Variants in POLE observed in about 807,000 individuals in gnomAD.
POLE encodes the protein DNA polymerase epsilon catalytic subunit A.
In POLE, 188 loss-of-function variants were observed where a neutral mutation model predicts 279.2. The ratio of observed to expected loss-of-function variants is 0.67; its 90% confidence interval spans 0.60 to 0.76. The LOEUF is 0.76. POLE is among the 30% of genes least tolerant of loss of function. POLE has a pLI of 0.00. For missense variants in POLE, 2,703 were observed against 3,016.7 expected (o/e 0.90, Z 2.44); for synonymous variants, 1,214 against 1,172.5 (o/e 1.04, Z -0.72).
chr12:132,682,582 T>C (rs575415199), intron 1 of POLE, among the ~76,000 whole-genome samples: 5 of 152,142 alleles, frequency 3.3e-5, no homozygotes, highest in Non-Finnish European at 7.4e-5. Flanking sequence ...TTACACAAGA[T>C]GTTATGGTGA....
rs529765669 is a variant in POLE, at chr12:132,675,613, C to G, written c.1107-96G>C. On this transcript the variant is annotated intron_variant, in intron 11 of 48. Transcript: ENST00000320574. The surrounding 1 kb of genome is among the most constrained non-coding windows in gnomAD (Gnocchi z 4.3). Reference sequence around the variant, plus strand: ...TCAGACCCAGGGAGGAACCCAGACACGGGAGGTGCAGAGTGAACCCAGGAG... The same window carrying G: ...TCAGACCCAGGGAGGAACCCAGACAGGGGAGGTGCAGAGTGAACCCAGGAG... 1 of 1,590,936 alleles carries G rather than the reference C, an allele frequency of 6.3e-7. No individual in the cohort carries two copies. Among genetic ancestry groups the G allele is most frequent in the Non-Finnish European group, 8.6e-7 (1 of 1,164,446 alleles).
chr12:132,625,987 G>A (rs1593697011), intron 46 of POLE, 130 bp downstream of exon 46: 1 of 1,127,812 alleles, frequency 8.9e-7, no homozygotes, highest in Non-Finnish European at 1.3e-6. Context: ...GGGGCCTGTT[G>A]CCAATCCATG....
chr12:132,664,291 C>T lies in POLE; in HGVS notation c.2561+79G>A, dbSNP rs1188191304. 4 of 1,434,818 alleles carry T rather than the reference C, an allele frequency of 2.8e-6. No individual in the cohort carries two copies. The highest frequency in any genetic ancestry group is 3.9e-6 in the Non-Finnish European group (4 of 1,022,340). The allele number at this position is 1,434,818 out of a possible 1,614,324, so 88.9% of individuals were successfully genotyped here. ...TCCTTCCTGCCCAGTGTGTGGCCTC[C>T]AGCCTTCCCTCCTTCCTTCCTGCCC... On this transcript the variant is annotated intron_variant, in intron 22 of 48. Transcript: ENST00000320574. This position sits in a 1 kb window ranked among gnomAD's most constrained non-coding sequence, Gnocchi z 5.3.
chr12:132,683,993 C>T (rs558790423), intron 1 of POLE, among the ~76,000 whole-genome samples: 5 of 144,704 alleles, frequency 3.5e-5, no homozygotes, highest in Admixed American at 2.7e-4. Context: ...TATATCACAC[C>T]GTCCCAGTAC....
chr12:132,669,148 C>T (rs1400957936), intron 16 of POLE, among the ~76,000 whole-genome samples: 1 of 152,100 alleles, frequency 6.6e-6, no homozygotes, highest in African/African-American at 2.4e-5. Context: ...ATTACTTGAA[C>T]ACTAAACTCT....
intron 40 of POLE, chr12:132,638,585 G>A (rs1455521431): frequency 5.9e-6 from 1 of 169,846 alleles, no homozygotes; most frequent in East Asian, 1.7e-4. Context: ...GGCCAGGGAA[G>A]AAGTGTCCAC....
At position 132,661,034 on chromosome 12, in the gene POLE, G is replaced by A. The variant is rs2138689856; in HGVS notation, c.2995C>T (p.Leu999=). The change falls in exon 25 of 49, where the codon CTG becomes TTG. Residue 999 remains leucine, a synonymous_variant. Transcript: ENST00000320574. The surrounding 1 kb of genome is among the most constrained non-coding windows in gnomAD (Gnocchi z 4.1). ...VFEAFLKGST[L]EEVYGSVAKV... ...GCTACAGAGCCATACACCTCTTCCA[G>A]CGTGCTGCCCTTGAGGAAGGCCTCA... is the stretch of plus-strand genomic sequence containing the variant. 1 of 1,614,124 alleles carries A rather than the reference G, an allele frequency of 6.2e-7. No homozygotes were observed. Among genetic ancestry groups the A allele is most frequent in the Non-Finnish European group, 8.5e-7 (1 of 1,180,036 alleles).
chr12:132,643,108 T>A, intron 35 of POLE, 112 bp from the exon 36 acceptor site: 1 of 1,474,652 alleles, frequency 6.8e-7, no homozygotes, highest in Non-Finnish European at 9.2e-7. Context: ...CGACAAGCAC[T>A]CATGGGCAAA....
Position 132,675,466 on chromosome 12 carries a change from C to G in POLE, c.1158G>C (p.Glu386Asp), listed in dbSNP as rs2136009028. Reference protein sequence around the residue: ...AAVHGLSMQQEIGFQKDSQGE... With the variant: ...AAVHGLSMQQDIGFQKDSQGE... ...CCTGGCTGTCCTTCTGGAAGCCTATCTCCTGCTGCATGCTCAGACCGTGGA... is the reference window on the plus strand; with the variant it reads ...CCTGGCTGTCCTTCTGGAAGCCTATGTCCTGCTGCATGCTCAGACCGTGGA... The change falls in exon 12 of 49, where the codon GAG (glutamate) becomes GAC (aspartate). Residue 386 changes from glutamate to aspartate, a missense_variant. This residue lies in a region of POLE where 1,011 missense variants were observed against 1,111.7 expected (regional missense o/e 0.91). Transcript: ENST00000320574. The surrounding 1 kb of genome is among the most constrained non-coding windows in gnomAD (Gnocchi z 4.3). 1 of 1,614,198 alleles carries G rather than the reference C, an allele frequency of 6.2e-7. No homozygotes were observed. Among genetic ancestry groups the G allele is most frequent in the African/African-American group, 1.3e-5 (1 of 75,046 alleles).
intron 26 of POLE, among the ~76,000 whole-genome samples, chr12:132,658,943 G>A (rs1302307371): frequency 2.9e-5 from 4 of 138,660 alleles, no homozygotes; most frequent in African/African-American, 1.1e-4. Flanking sequence ...TTACATACAC[G>A]GAGGCATAAG....
chr12:132,673,746 A>G (rs1230409255), intron 12 of POLE, 39 bp from the exon 13 acceptor site: 5 of 1,609,586 alleles, frequency 3.1e-6, no homozygotes, highest in Non-Finnish European at 4.2e-6. Context: ...GATGATTCTA[A>G]CATGCAGCCC....
At position 132,681,229 on chromosome 12, in the gene POLE, C is replaced by T. The variant is rs141424313; in HGVS notation, c.113G>A (p.Ser38Asn). 55 of 1,614,246 alleles carry T rather than the reference C, an allele frequency of 3.4e-5. No individual in the cohort carries two copies. The highest frequency in any genetic ancestry group is 3.3e-4 in the South Asian group (30 of 91,088). The stretch of plus-strand genomic sequence containing the variant: ...CAAATCCATCTTATCCGTCCACTGA[C>T]TCCGTTCCAGGCGCTTGAGTGCCGA... ...SVSALKRLERSQWTDKMDLRF... is the reference protein window; with the variant it reads ...SVSALKRLERNQWTDKMDLRF... The change falls in exon 2 of 49, where the codon AGT becomes AAT. Residue 38 changes from serine to asparagine, a missense_variant. Transcript: ENST00000320574.
chr12:132,659,184 C>T (rs1348573221), intron 26 of POLE, 111 bp downstream of exon 26: 3 of 1,132,004 alleles, frequency 2.7e-6, no homozygotes, highest in Non-Finnish European at 3.8e-6. Flanking sequence ...GACAGGGCAG[C>T]CCTCACCTCT....
At chr12:132,635,707 C>T (rs906745157) in intron 42 of POLE, among the ~76,000 whole-genome samples, 185 bp downstream of exon 42, 1 of 152,256 alleles carries the variant, frequency 6.6e-6, no homozygotes, top group Non-Finnish European at 1.5e-5. Flanking sequence ...CCAGGGCTGA[C>T]GCCACACTCC....
At chr12:132,680,324 G>A (rs1407129919) in intron 3 of POLE, 102 bp from the exon 4 acceptor site, 1 of 1,060,600 alleles carries the variant, frequency 9.4e-7, no homozygotes, top group Admixed American at 1.8e-5. Flanking sequence ...ACAGCCTAGG[G>A]CCAGGGTAGC....
At position 132,664,059 on chromosome 12, in the gene POLE, T is replaced by C. The variant is rs2042736232; in HGVS notation, c.2651A>G (p.Lys884Arg). 6.2e-7 allele frequency: 1 copy of C among 1,614,126 alleles called. No individual in the cohort carries two copies. Among genetic ancestry groups the C allele is most frequent in the African/African-American group, 1.3e-5 (1 of 74,952 alleles). ...GTAGGAGATGGTCACTTTGGGCTTC[T>C]TCACATTGGTCGTCTTGAAGACAAA... Reference protein sequence around the residue: ...ENFVFKTTNVKKPKVTISYPG... With the variant: ...ENFVFKTTNVRKPKVTISYPG... Residue 884 changes from lysine (K) to arginine (R), a missense_variant, in exon 23 of 49, where the codon AAG becomes AGG. By Grantham distance (26) the Lys-to-Arg change is conservative. This residue lies in a region of POLE where 101 missense variants were observed against 115.4 expected (regional missense o/e 0.87). Coordinates refer to ENST00000320574, the MANE Select transcript of POLE (RefSeq NM_006231.4). The surrounding 1 kb of genome is among the most constrained non-coding windows in gnomAD (Gnocchi z 5.3).
At position 132,677,636 on chromosome 12, in the gene POLE, A is replaced by G. The variant is rs755607944; in HGVS notation, c.662T>C (p.Met221Thr). The change falls in exon 7 of 49, where the codon ATG (methionine) becomes ACG (threonine). Residue 221 changes from methionine (M) to threonine (T), a missense_variant. Coordinates refer to ENST00000320574, the MANE Select transcript of POLE (RefSeq NM_006231.4). ...IADQLDNIVD[M>T]REYDVPYHIR... ...GTGGTAGGGAACATCGTACTCGCGCATGTCCACAATGTTGTCCAACTGGTC... is the reference window on the plus strand; with the variant it reads ...GTGGTAGGGAACATCGTACTCGCGCGTGTCCACAATGTTGTCCAACTGGTC... 7.4e-6 allele frequency: 12 copies of G among 1,614,046 alleles called. No homozygotes were observed. Among genetic ancestry groups the G allele is most frequent in the Non-Finnish European group, 1.0e-5 (12 of 1,180,024 alleles).
chr12:132,643,254 CTG>C lies in POLE; in HGVS notation c.4519_4520del (p.Gln1507AlafsTer37). 1 of 1,613,864 alleles carries C rather than the reference CTG, an allele frequency of 6.2e-7. No individual in the cohort carries two copies. The highest frequency in any genetic ancestry group is 8.5e-7 in the Non-Finnish European group (1 of 1,180,044). On this transcript the variant is annotated frameshift_variant, in exon 35 of 49. Coordinates refer to ENST00000320574, the MANE Select transcript of POLE (RefSeq NM_006231.4). LOFTEE classifies it high-confidence loss of function. ...KALFGIFIPS[Q>X]RRASVFVLDT... Reference sequence around the variant, plus strand: ...CCAGCACAAAGACGGATGCCCTGCGCTGTGAGGGGATGAAGATCCCGAAGAGC... The same window carrying C: ...CCAGCACAAAGACGGATGCCCTGCGCTGAGGGGATGAAGATCCCGAAGAGC...
At position 132,672,338 on chromosome 12, in the gene POLE, G is replaced by C. The variant is rs530732187; in HGVS notation, c.1687-16C>G. 132 of 1,601,692 alleles carry C rather than the reference G, an allele frequency of 8.2e-5. 2 individuals carry two copies. The South Asian group carries it at 1.2e-3, about 14-fold the overall frequency. On this transcript the variant is annotated splice_polypyrimidine_tract_variant and intron_variant, in intron 15 of 48. Transcript: ENST00000320574. Reference sequence around the variant, plus strand: ...CGGCAGGATTCTAGCACAACAGTGAGACGACGGGGTCAGAGGGGAAACACA... The same window carrying C: ...CGGCAGGATTCTAGCACAACAGTGACACGACGGGGTCAGAGGGGAAACACA...
Sources: allele counts gnomAD v4.1 joint callset (sites outside exome capture counted in the v4.1 genomes callset), GRCh38; gene constraint gnomAD v4.1.1; regional missense constraint gnomAD v4.1.1; non-coding constraint Gnocchi (gnomAD v3.1); transcripts MANE v1.5; gene names NCBI Gene and HGNC (gene_info 2026-07-23, HGNC 2026-07-21).